The following PFKFB3 variants were observed in gnomAD, a reference collection of about 807,000 sequenced individuals.
PFKFB3 encodes the protein 6-phosphofructo-2-kinase/fructose-2,6-biphosphatase 3.
PFKFB3 carries 33 observed loss-of-function variants against 68.0 expected under a neutral mutation model. The ratio of observed to expected loss-of-function variants is 0.49; its 90% CI spans 0.37 to 0.65. The LOEUF is 0.65. Among genes scored for constraint, PFKFB3 ranks in the 30% least tolerant of loss-of-function variants. PFKFB3 has a pLI of 0.00. For missense variants in PFKFB3, 586 were observed against 712.2 expected (o/e 0.82, Z 2.02); for synonymous variants, 315 against 288.2 (o/e 1.09, Z -0.94).
At chr10:6,265,141 C>T in the PFKFB3 span, among the ~76,000 whole-genome samples, 70 of 142,782 alleles carry the variant, frequency 4.9e-4, no homozygotes, top group Non-Finnish European at 8.1e-4. Context: ...AGTGCAGTGG[C>T]GCCATCTCGG....
At chr10:6,145,064 A>G in intron 1 of PFKFB3, 1 of 1,287,894 alleles carries the variant, frequency 7.8e-7, no homozygotes, top group Non-Finnish European at 9.9e-7. Context: ...CGGGGACCTG[A>G]GCGGCCGCCT....
At chr10:6,245,470 G>T (rs1343626851) in intron 14 of PFKFB3, among the ~76,000 whole-genome samples, 3 of 151,798 alleles carry the variant, frequency 2.0e-5, no homozygotes, top group African/African-American at 4.8e-5. Flanking sequence ...AGGCTGGAGT[G>T]CAGTGGTGCG....
At chr10:6,194,816 A>G (rs1843131935) in intron 1 of PFKFB3, among the ~76,000 whole-genome samples, 1 of 151,942 alleles carries the variant, frequency 6.6e-6, no homozygotes, top group South Asian at 2.1e-4. Context: ...TGAAGGGCAT[A>G]GAACACCAAC....
At chr10:6,156,829 C>T (rs183577791) in intron 1 of PFKFB3, among the ~76,000 whole-genome samples, 3 of 152,110 alleles carry the variant, frequency 2.0e-5, no homozygotes, top group Non-Finnish European at 4.4e-5. Context: ...TGGTGACTCA[C>T]GCCTGTAATC....
intron 1 of PFKFB3, chr10:6,149,772 T>C (rs4750022): frequency 0.97 from 150,428 of 155,400 alleles, 73,002 homozygotes; most frequent in East Asian, 1. Flanking sequence ...TCCAAGAGGA[T>C]GACCATCCCC....
At chr10:6,254,373 T>TA in exon 15 of PFKFB3, 1 of 398,578 alleles carries the variant, frequency 2.5e-6, no homozygotes, top group South Asian at 1.3e-4. Context: ...CTCCTAATGA[T>TA]ACCTGGCTGA....
chr10:6,194,801 C>T (rs1440151163), intron 1 of PFKFB3, among the ~76,000 whole-genome samples: 1 of 152,108 alleles, frequency 6.6e-6, no homozygotes, highest in Non-Finnish European at 1.5e-5. Flanking sequence ...TAGAGCTTCA[C>T]TCTGTGAAGG....
In PFKFB3 at chr10:6,206,408, C is replaced by T. The variant is rs1371211117; in HGVS notation, c.76+3072C>T. Among the ~76,000 whole-genome samples, 4 of 132,316 alleles carry T rather than the reference C, an allele frequency of 3.0e-5. 1 individual carries two copies. The highest frequency in any genetic ancestry group is 1.2e-4 in the African/African-American group (4 of 33,646). 86.8% of individuals were successfully genotyped at this position (132,316 alleles called of 152,430 possible). A position where few individuals can be genotyped will look rare whatever the true frequency, so the allele number is the denominator to read the frequency against. Reference sequence around the variant, plus strand: ...CTCAATCTTTCCCCGCCCCTTTCCCCCCTTTCTATTCCACAAAACCGCCAT... The same window carrying T: ...CTCAATCTTTCCCCGCCCCTTTCCCTCCTTTCTATTCCACAAAACCGCCAT... On this transcript the variant is annotated intron_variant, in intron 1 of 14. Transcript: ENST00000379775.
chr10:6,209,473 AT>A (rs59104402), intron 1 of PFKFB3, among the ~76,000 whole-genome samples: 231 of 150,862 alleles, frequency 1.5e-3, no homozygotes, highest in East Asian at 8.3e-3. Flanking sequence ...AAACTCAATA[AT>A]TTTTTTTTTG....
the PFKFB3 span, among the ~76,000 whole-genome samples, chr10:6,307,562 C>CT: frequency 1.5e-5 from 2 of 134,876 alleles, no homozygotes; most frequent in African/African-American, 5.2e-5. Context: ...TCCTTCCTTC[C>CT]TTCCTTCCTC....
chr10:6,226,315 G>T lies in PFKFB3; in HGVS notation c.1465G>T (p.Ala489Ser), dbSNP rs750254792. The T allele has an allele frequency of 1.9e-6, 3 of 1,613,888 alleles. No individual in the cohort carries two copies. The highest frequency in any genetic ancestry group is 2.2e-5 in the East Asian group (1 of 44,884). ...GGAGCATGTGGCCTCCACCTCGGCC[G>T]CCCTGCCCAGCTGCCTGCCCCCGGA... is the stretch of plus-strand genomic sequence containing the variant. ...FEEHVASTSA[A>S]LPSCLPPEVP... Residue 489 changes from alanine (A) to serine (S), a missense_variant, in exon 14 of 15, where the codon GCC becomes TCC. Transcript: ENST00000379775.
chr10:6,321,805 G>C, the PFKFB3 span, among the ~76,000 whole-genome samples: 1 of 152,158 alleles, frequency 6.6e-6, no homozygotes, highest in Non-Finnish European at 1.5e-5. Flanking sequence ...ACTCTATGTA[G>C]AAATTCTGCA....
chr10:6,175,288 T>G (rs796125218), intron 1 of PFKFB3, among the ~76,000 whole-genome samples: 16 of 152,320 alleles, frequency 1.1e-4, no homozygotes, highest in African/African-American at 3.8e-4. Context: ...CTCCGTCCCC[T>G]CTCTTCTTTC....
At chr10:6,317,744 C>G in the PFKFB3 span, among the ~76,000 whole-genome samples, 2 of 152,118 alleles carry the variant, frequency 1.3e-5, no homozygotes, top group East Asian at 3.9e-4. Context: ...TGATGTGTCC[C>G]TGTGTGGTCA....
At chr10:6,316,044 T>C in the PFKFB3 span, among the ~76,000 whole-genome samples, 1 of 152,236 alleles carries the variant, frequency 6.6e-6, no homozygotes, top group Non-Finnish European at 1.5e-5. Flanking sequence ...CATAATAGCA[T>C]GGCTTATAGT....
intron 14 of PFKFB3, among the ~76,000 whole-genome samples, chr10:6,243,155 A>G (rs1460424039): frequency 1.3e-5 from 2 of 152,200 alleles, no homozygotes; most frequent in African/African-American, 4.8e-5. Flanking sequence ...AAGTTCCAAG[A>G]CAACCAAGAG....
At chr10:6,280,948 A>G in the PFKFB3 span, among the ~76,000 whole-genome samples, 2 of 149,462 alleles carry the variant, frequency 1.3e-5, no homozygotes, top group Non-Finnish European at 3.0e-5. Context: ...TTTATCCCTC[A>G]CCCCCTTCCC....
At chr10:6,321,336 T>A in the PFKFB3 span, among the ~76,000 whole-genome samples, 1 of 152,024 alleles carries the variant, frequency 6.6e-6, no homozygotes, top group Non-Finnish European at 1.5e-5. Flanking sequence ...CATTCTCTGT[T>A]GTTTTTTTAA....
At chr10:6,264,886 C>A in the PFKFB3 span, among the ~76,000 whole-genome samples, 1 of 152,046 alleles carries the variant, frequency 6.6e-6, no homozygotes, top group Non-Finnish European at 1.5e-5. Flanking sequence ...GGTATAGTTA[C>A]CAAATTCAGA....
Sources: gnomAD v4.1 joint callset for allele counts (sites outside exome capture counted in the v4.1 genomes callset) on GRCh38, gnomAD v4.1.1 for gene constraint, MANE v1.5 for transcripts, NCBI Gene and HGNC (gene_info 2026-07-23, HGNC 2026-07-21) for gene names.